The following USP32 variants were observed in gnomAD, a reference collection of about 807,000 sequenced individuals.
The protein encoded by USP32 is ubiquitin specific peptidase 32, also known as ubiquitin carboxyl-terminal hydrolase 32.
A neutral mutation model predicts 204.8 loss-of-function variants in USP32; 59 were observed. The ratio of observed to expected loss-of-function variants is 0.29; its 90% confidence interval spans 0.23 to 0.36. USP32 has a LOEUF of 0.36. Among genes scored for constraint, USP32 ranks in the 10% least tolerant of loss-of-function variants. USP32 has a pLI of 1.00. For missense variants in USP32, 1,160 were observed against 1,946.4 expected (o/e 0.60, Z 7.60); for synonymous variants, 517 against 678.4 (o/e 0.76, Z 3.70).
At chr17:60,223,143 A>T (rs1453741852) in intron 14 of USP32, among the ~76,000 whole-genome samples, 1 of 152,208 alleles carries the variant, frequency 6.6e-6, no homozygotes, top group Non-Finnish European at 1.5e-5. Flanking sequence ...TGGAAAAAAA[A>T]ATTCATACAT....
In USP32 at chr17:60,181,525, A is replaced by G. The variant is rs2084112084; in HGVS notation, c.4347T>C (p.His1449=). The G allele has an allele frequency of 6.2e-7, 1 of 1,613,992 alleles. No individual in the cohort carries two copies. Among genetic ancestry groups the G allele is most frequent in the Admixed American group, 1.7e-5 (1 of 60,026 alleles). ...CELADALSRG[H]VLGGSQPELV... ...ACTCTGGTTGGCTGCCCCCCAGCAC[A>G]TGCCCTCGACTCAAGGCGTCAGCCA... is the stretch of plus-strand genomic sequence containing the variant. The change falls in exon 32 of 34, where the codon CAT becomes CAC. Residue 1449 remains histidine, a synonymous_variant. Transcript: ENST00000300896.
intron 32 of USP32, among the ~76,000 whole-genome samples, 182 bp downstream of exon 32, chr17:60,181,142 T>A (rs1422093506): frequency 6.6e-6 from 1 of 152,080 alleles, no homozygotes; most frequent in African/African-American, 2.4e-5. Flanking sequence ...AGTGCTGGGA[T>A]TGATTACAGG....
chr17:60,282,278 G>T (rs2086986716), intron 5 of USP32, among the ~76,000 whole-genome samples: 1 of 152,184 alleles, frequency 6.6e-6, no homozygotes, highest in Non-Finnish European at 1.5e-5. Context: ...TTAGAAGGAA[G>T]ACCTTAGAAC....
At chr17:60,359,396 A>C (rs2089154954) in intron 1 of USP32, among the ~76,000 whole-genome samples, 1 of 152,206 alleles carries the variant, frequency 6.6e-6, no homozygotes. Context: ...TTTTTGGATA[A>C]AGACAGAATT....
chr17:60,349,596 A>AAATATATATAT (rs1555618242), intron 1 of USP32, among the ~76,000 whole-genome samples: 1 of 65,202 alleles, frequency 1.5e-5, no homozygotes, highest in Non-Finnish European at 2.5e-5. Context: ...AAAAAAAAAA[A>AAATATATATAT]ATATATATAT....
chr17:60,417,410 TG>T (rs1307663060), intron 1 of USP32, among the ~76,000 whole-genome samples: 1 of 152,006 alleles, frequency 6.6e-6, no homozygotes, highest in Non-Finnish European at 1.5e-5. Context: ...CCTCCCAAAG[TG>T]CTGAGAATAC....
At chr17:60,421,256 A>G in intron 1 of USP32, 1 of 672,710 alleles carries the variant, frequency 1.5e-6, no homozygotes, top group Non-Finnish European at 1.8e-6. Context: ...CAACAACAAC[A>G]ACGACAACAA....
At chr17:60,223,388 A>C (rs770455497) in intron 14 of USP32, 23 bp downstream of exon 14, 5 of 1,580,432 alleles carry the variant, frequency 3.2e-6, no homozygotes, top group Non-Finnish European at 4.3e-6. Flanking sequence ...AATAATTTTA[A>C]GTTTAGATGT....
intron 9 of USP32, among the ~76,000 whole-genome samples, chr17:60,262,655 G>A (rs182843030): frequency 2.6e-5 from 4 of 152,032 alleles, no homozygotes; most frequent in African/African-American, 4.8e-5. Context: ...TTCAAGATAC[G>A]TCTCCAATCC....
At chr17:60,377,818 C>G (rs372581720) in intron 1 of USP32, among the ~76,000 whole-genome samples, 2 of 152,120 alleles carry the variant, frequency 1.3e-5, no homozygotes, top group Non-Finnish European at 2.9e-5. Flanking sequence ...TCTTTCTATT[C>G]TGGTTTTCTG....
At chr17:60,185,880 A>C in intron 29 of USP32, 1 of 444,402 alleles carries the variant, frequency 2.3e-6, no homozygotes. Flanking sequence ...TGGTCAAAAG[A>C]GTGAGACCCT....
In USP32 at chr17:60,192,018, G is replaced by A. The variant is rs1369928435; in HGVS notation, c.3521+826C>T. 2.0e-5 allele frequency among the ~76,000 whole-genome samples: 3 copies of A among 152,094 alleles called. No homozygotes were observed. The East Asian group carries it at 5.8e-4, about 30-fold the overall frequency. On this transcript the variant is annotated intron_variant, in intron 28 of 33. Coordinates refer to ENST00000300896, the MANE Select transcript of USP32 (RefSeq NM_032582.4). ...CAAACTTATATTTAACGAGAGGCTT[G>A]GCGTGGTGGCTCACACCTATAATCC...
At chr17:60,312,785 T>C (rs898915829) in intron 2 of USP32, among the ~76,000 whole-genome samples, 10 of 152,290 alleles carry the variant, frequency 6.6e-5, no homozygotes, top group African/African-American at 2.4e-4. Context: ...CTTTAGGTAA[T>C]GACAAAGATG....
At chr17:60,204,545 T>C (rs946315710) in intron 26 of USP32, among the ~76,000 whole-genome samples, 12 of 151,386 alleles carry the variant, frequency 7.9e-5, no homozygotes, top group Non-Finnish European at 1.0e-4. Context: ...CTTCGCTCAC[T>C]GCAACCTCTG....
At chr17:60,373,117 C>T (rs2089472650) in intron 1 of USP32, among the ~76,000 whole-genome samples, 1 of 152,086 alleles carries the variant, frequency 6.6e-6, no homozygotes, top group African/African-American at 2.4e-5. Context: ...CTCTTGAGCC[C>T]AGGAGCTCGA....
intron 26 of USP32, among the ~76,000 whole-genome samples, chr17:60,202,443 TCACACACACACACACACA>T (rs377613629): frequency 7.1e-6 from 1 of 140,656 alleles, no homozygotes; most frequent in Non-Finnish European, 1.6e-5. Context: ...GCTTATCAAA[TCACACACACACACACACA>T]CACACACACA....
At chr17:60,248,160 T>G (rs914908404) in intron 11 of USP32, among the ~76,000 whole-genome samples, 30 of 149,950 alleles carry the variant, frequency 2.0e-4, no homozygotes, top group African/African-American at 6.6e-4. Context: ...TGACAGTTTT[T>G]GCTTTTTTGG....
At chr17:60,200,693 C>A (rs958134359) in intron 26 of USP32, among the ~76,000 whole-genome samples, 3 of 152,212 alleles carry the variant, frequency 2.0e-5, no homozygotes, top group African/African-American at 7.2e-5. Flanking sequence ...CACAAATTCT[C>A]CCTTCCTCAC....
intron 3 of USP32, among the ~76,000 whole-genome samples, chr17:60,300,427 A>G (rs961530774): frequency 2.0e-5 from 3 of 152,158 alleles, no homozygotes; most frequent in Non-Finnish European, 4.4e-5. Flanking sequence ...TAGCAGGGGA[A>G]ATGGTGTCCT....
Sources: allele counts gnomAD v4.1 joint callset (sites outside exome capture counted in the v4.1 genomes callset), GRCh38; gene constraint gnomAD v4.1.1; transcripts MANE v1.5; gene names NCBI Gene and HGNC (gene_info 2026-07-23, HGNC 2026-07-21).